The following RIMKLA variants were observed in gnomAD, a reference collection of about 807,000 sequenced individuals.
RIMKLA encodes ribosomal modification protein rimK like family member A, also known as N-acetylaspartylglutamate synthase A.
Under a neutral mutation model 32.7 loss-of-function variants are expected in RIMKLA, and 14 were observed. The ratio of observed to expected loss-of-function variants is 0.43; its 90% CI spans 0.28 to 0.67. The LOEUF is 0.67. Among genes scored for constraint, RIMKLA ranks in the 30% least tolerant of loss-of-function variants. The probability of loss-of-function intolerance (pLI) is 0.18; values close to 1 mark genes in which losing one functional copy is unlikely to be tolerated. For synonymous variants in RIMKLA, 176 were observed against 204.1 expected, an observed-to-expected ratio of 0.86 and a Z score of 1.18; for missense variants, 410 against 519.0, an observed-to-expected ratio of 0.79 and a Z score of 2.04.
chr1:42,389,215 T>C (rs1034332821), intron 1 of RIMKLA, among the ~76,000 whole-genome samples: 1 of 152,168 alleles, frequency 6.6e-6, no homozygotes, highest in African/African-American at 2.4e-5. Context: ...TCAGTATGAG[T>C]TGCACATTAA....
At position 42,420,006 on chromosome 1, in the gene RIMKLA, T is replaced by C. The variant is rs1414361640; in HGVS notation, c.*5032T>C. ...TTTCAATCAGCAACAAGGTCAAAAG[T>C]TTCCCCCCACTTTCTGTTCCACAGT... On this transcript the variant is annotated 3_prime_UTR_variant, in exon 5 of 5. Coordinates refer to ENST00000431473, the MANE Select transcript of RIMKLA (RefSeq NM_173642.4). 2 of 152,230 alleles carry C rather than the reference T, an allele frequency of 1.3e-5. No individual in the cohort carries two copies. The highest frequency in any genetic ancestry group is 2.9e-5 in the Non-Finnish European group (2 of 68,070). 9.4% of individuals were successfully genotyped at this position (152,230 alleles called of 1,614,324 possible).
chr1:42,410,331 G>A (rs1313317903), intron 4 of RIMKLA, 144 bp downstream of exon 4: 6 of 700,750 alleles, frequency 8.6e-6, no homozygotes, highest in Non-Finnish European at 1.4e-5. Context: ...TCCTATGGCA[G>A]CAAGCAATCC....
At chr1:42,386,915 A>G (rs183061974) in intron 1 of RIMKLA, among the ~76,000 whole-genome samples, 98 of 147,598 alleles carry the variant, frequency 6.6e-4, no homozygotes, top group African/African-American at 2.3e-3. Context: ...AAATAAATAA[A>G]TATTAGCCAG....
In RIMKLA at chr1:42,423,298, C is replaced by T. The variant is rs1197066784; in HGVS notation, c.*8324C>T. 1.3e-5 allele frequency among the ~76,000 whole-genome samples: 2 copies of T among 152,228 alleles called. No homozygotes were observed. The highest frequency in any genetic ancestry group is 4.8e-5 in the African/African-American group (2 of 41,540). The stretch of plus-strand genomic sequence containing the variant: ...TGGGGAATGTGGCCTATGTTTCTTT[C>T]TTCTTCTCTTACATGAAAATCGTCA... On this transcript the variant is annotated 3_prime_UTR_variant, in exon 5 of 5. Transcript: ENST00000431473.
rs71065180 is a variant in RIMKLA, at chr1:42,416,098, G to GGGGA, written c.*1124_*1125insGGGA. The GGGGA allele has an allele frequency of 1.5e-5, 2 of 129,402 alleles. No individual in the cohort carries two copies. The highest frequency in any genetic ancestry group is 4.6e-4 in the East Asian group (2 of 4,316). 8.0% of individuals were successfully genotyped at this position (129,402 alleles called of 1,614,324 possible). ...CATTGCACATTTTGCGGGGGGGGGG[G>GGGGA]CTAATGTAGACATGACACCAAGTGC... On this transcript the variant is annotated 3_prime_UTR_variant, in exon 5 of 5. Transcript: ENST00000431473.
At chr1:42,401,233 G>C (rs921080178) in intron 2 of RIMKLA, among the ~76,000 whole-genome samples, 16 of 152,194 alleles carry the variant, frequency 1.1e-4, no homozygotes, top group Admixed American at 7.9e-4. Context: ...AGCTCAGGCA[G>C]TAATGCTTGC....
At chr1:42,385,808 T>TCCTTCC (rs1314424316) in intron 1 of RIMKLA, among the ~76,000 whole-genome samples, 2 of 75,886 alleles carry the variant, frequency 2.6e-5, no homozygotes, top group African/African-American at 4.3e-5. Context: ...TCTCTCTCTC[T>TCCTTCC]TTCCTTCCTT....
At chr1:42,409,545 A>G (rs1643179691) in intron 3 of RIMKLA, among the ~76,000 whole-genome samples, 2 of 152,230 alleles carry the variant, frequency 1.3e-5, no homozygotes, top group Non-Finnish European at 2.9e-5. Context: ...TATGTTCTAC[A>G]AACATTAATT....
At chr1:42,381,205 C>G (rs367735489) in intron 1 of RIMKLA, 108 bp downstream of exon 1, 16 of 813,008 alleles carry the variant, frequency 2.0e-5, no homozygotes, top group Non-Finnish European at 2.5e-5. Context: ...CCTTCGGGCC[C>G]GCACACTAGC....
intron 4 of RIMKLA, among the ~76,000 whole-genome samples, chr1:42,411,646 TATTATTTATTTATTTA>T (rs1253784538): frequency 1.5e-5 from 2 of 135,072 alleles, no homozygotes; most frequent in African/African-American, 5.9e-5. Flanking sequence ...TTTTTATTTT[TATTATTTATTTATTTA>T]TTTATTTATT....
chr1:42,386,735 A>G (rs1302126380), intron 1 of RIMKLA, among the ~76,000 whole-genome samples: 2 of 150,694 alleles, frequency 1.3e-5, no homozygotes, highest in African/African-American at 2.4e-5. Context: ...AAATACAAAA[A>G]TTACCCAGGC....
At chr1:42,400,668 G>C (rs1169102329) in intron 2 of RIMKLA, among the ~76,000 whole-genome samples, 3 of 152,166 alleles carry the variant, frequency 2.0e-5, no homozygotes, top group Admixed American at 6.5e-5. Flanking sequence ...TTGTGGGTAG[G>C]GGGTGAAGGA....
chr1:42,381,902 T>C (rs996903584), intron 1 of RIMKLA, among the ~76,000 whole-genome samples: 19 of 152,228 alleles, frequency 1.2e-4, no homozygotes, highest in Non-Finnish European at 8.8e-5. Context: ...GCTTGCTGTT[T>C]GAGTGTCTCT....
chr1:42,395,714 T>A (rs1005653352), intron 1 of RIMKLA, among the ~76,000 whole-genome samples: 4 of 152,180 alleles, frequency 2.6e-5, no homozygotes, highest in African/African-American at 9.7e-5. Flanking sequence ...GTATTAAGTT[T>A]ATTAGGTCCT....
chr1:42,398,879 A>G (rs1472438470), intron 1 of RIMKLA, among the ~76,000 whole-genome samples: 1 of 144,462 alleles, frequency 6.9e-6, no homozygotes, highest in Admixed American at 7.0e-5. Flanking sequence ...AAGTGGGAGG[A>G]TTACTTGAGC....
rs1557749845 is a variant in RIMKLA at position 42,385,827 on chromosome 1, C to CTTTCTTTCTTTCTCTCTCTCTCT, written c.163+4730_163+4731insTTTCTTTCTTTCTCTCTCTCTCT. Among the ~76,000 whole-genome samples, 16 of 89,498 alleles carry CTTTCTTTCTTTCTCTCTCTCTCT rather than the reference C, an allele frequency of 1.8e-4. 1 individual carries two copies. Among genetic ancestry groups the CTTTCTTTCTTTCTCTCTCTCTCT allele is most frequent in the Admixed American group, 9.1e-4 (8 of 8,818 alleles). The allele number at this position is 89,498 out of a possible 152,430, so 58.7% of individuals were successfully genotyped here. A position where few individuals can be genotyped will look rare whatever the true frequency, so the allele number is the denominator to read the frequency against. On this transcript the variant is annotated intron_variant, in intron 1 of 4. Transcript: ENST00000431473. ...TCTCTCTTTCCTTCCTTCCTTCCTT[C>CTTTCTTTCTTTCTCTCTCTCTCT]CTTTCTTTCTTTCTTTCTCTTTCTT...
intron 1 of RIMKLA, among the ~76,000 whole-genome samples, chr1:42,383,925 T>G (rs1199959723): frequency 6.6e-6 from 1 of 152,244 alleles, no homozygotes; most frequent in African/African-American, 2.4e-5. Flanking sequence ...ATATTGAGGC[T>G]AGACAGTGAC....
intron 1 of RIMKLA, among the ~76,000 whole-genome samples, chr1:42,395,688 C>A (rs1643037550): frequency 6.6e-6 from 1 of 152,264 alleles, no homozygotes. Flanking sequence ...AGAGGTGATA[C>A]ATTAAGCTCC....
intron 2 of RIMKLA, among the ~76,000 whole-genome samples, chr1:42,400,814 A>G (rs1460286446): frequency 6.6e-6 from 1 of 152,158 alleles, no homozygotes; most frequent in African/African-American, 2.4e-5. Context: ...AGGGAAGTGG[A>G]GCTGGAAACC....
Sources: gnomAD v4.1 joint callset for allele counts (sites outside exome capture counted in the v4.1 genomes callset) on GRCh38, gnomAD v4.1.1 for gene constraint, MANE v1.5 for transcripts, NCBI Gene and HGNC (gene_info 2026-07-23, HGNC 2026-07-21) for gene names.